Variants in CRACR2A observed in about 807,000 individuals in gnomAD.
CRACR2A encodes calcium release activated channel regulator 2A, also known as EF-hand calcium-binding domain-containing protein 4B.
In CRACR2A, 79 loss-of-function variants were observed where a neutral mutation model predicts 90.5. The ratio of observed to expected loss-of-function variants is 0.87; its 90% CI spans 0.73 to 1.05. The LOEUF (loss-of-function observed/expected upper bound fraction) is 1.05, where lower values mean the gene tolerates loss of function less well. Among genes scored for constraint, CRACR2A ranks in the 50% least tolerant of loss-of-function variants. The pLI is 0.00. For synonymous variants in CRACR2A, 338 were observed against 356.7 expected (o/e 0.95, Z 0.59); for missense variants, 823 against 897.2 (o/e 0.92, Z 1.06).
chr12:3,656,470 T>C, intron 8 of CRACR2A, 64 bp from the exon 9 acceptor site: 1 of 1,517,784 alleles, frequency 6.6e-7, no homozygotes, highest in Middle Eastern at 1.7e-4. Flanking sequence ...ATAGATTTTT[T>C]TTTTCCCACC....
At chr12:3,672,712 C>G in intron 7 of CRACR2A, 1 of 982,350 alleles carries the variant, frequency 1.0e-6, no homozygotes, top group Non-Finnish European at 1.2e-6. Flanking sequence ...TGGGCTTGCC[C>G]CAGTTTTGTG....
intron 1 of CRACR2A, among the ~76,000 whole-genome samples, chr12:3,741,373 G>A (rs1273434150): frequency 6.6e-6 from 1 of 152,182 alleles, no homozygotes; most frequent in Non-Finnish European, 1.5e-5. Flanking sequence ...ACTGATGACT[G>A]AGCCAAGGCT....
At position 3,710,274 on chromosome 12, in the gene CRACR2A, T is replaced by C. The variant is rs186290992; in HGVS notation, c.-37+2963A>G. On this transcript the variant is annotated intron_variant, in intron 3 of 19. Coordinates refer to ENST00000440314, the MANE Select transcript of CRACR2A (RefSeq NM_001144958.2). ...TATAGCTCAGTCATCTGGCATGCCC[T>C]TTCTGTTTGTCTGTGCTAAGTCTTA... Among the ~76,000 whole-genome samples the C allele has an allele frequency of 5.0e-4, 76 of 152,312 alleles. No homozygotes were observed. The East Asian group carries it at 0.015, about 29-fold the overall frequency.
intron 2 of CRACR2A, chr12:3,727,442 T>C (rs1946289336): frequency 6.6e-6 from 1 of 152,230 alleles, no homozygotes; most frequent in South Asian, 2.1e-4. Flanking sequence ...AGTATCTAAT[T>C]CTACATCGGC....
At chr12:3,628,699 C>T (rs1020040472) in intron 15 of CRACR2A, among the ~76,000 whole-genome samples, 2 of 152,224 alleles carry the variant, frequency 1.3e-5, no homozygotes, top group African/African-American at 4.8e-5. Context: ...GTACATCCCC[C>T]CACCACCACC....
chr12:3,682,945 G>A (rs1472525053), intron 4 of CRACR2A, among the ~76,000 whole-genome samples: 2 of 152,014 alleles, frequency 1.3e-5, no homozygotes, highest in Admixed American at 1.3e-4. Context: ...ACCACACCCA[G>A]TTAATTTTTG....
chr12:3,648,206 T>C, intron 11 of CRACR2A: 1 of 1,164,030 alleles, frequency 8.6e-7, no homozygotes, highest in Non-Finnish European at 1.1e-6. Context: ...ATGAACGAGA[T>C]AATATTTCTA....
In CRACR2A at chr12:3,633,760, C is replaced by T; in HGVS notation, c.1603-24G>A. 6.4e-7 allele frequency: 1 copy of T among 1,551,378 alleles called. No homozygotes were observed. The highest frequency in any genetic ancestry group is 1.2e-5 in the South Asian group (1 of 84,056). On this transcript the variant is annotated intron_variant, in intron 14 of 19. Coordinates refer to ENST00000440314, the MANE Select transcript of CRACR2A (RefSeq NM_001144958.2). This position sits in a 1 kb window ranked among gnomAD's most constrained non-coding sequence, Gnocchi z 4.5. The stretch of plus-strand genomic sequence containing the variant: ...TCCTGTGGATGGCACACAATCTGAC[C>T]AACTGCAGGGAATAGTCTTGCCAGC...
chr12:3,659,705 C>A, intron 7 of CRACR2A, 51 bp from the exon 8 acceptor site: 13 of 1,461,454 alleles, frequency 8.9e-6, no homozygotes, highest in Non-Finnish European at 1.2e-5. Context: ...TACTCCACAG[C>A]GGTAGCTCCT....
intron 3 of CRACR2A, among the ~76,000 whole-genome samples, chr12:3,699,631 C>A (rs544888337): frequency 6.6e-6 from 1 of 152,176 alleles, no homozygotes; most frequent in Non-Finnish European, 1.5e-5. Flanking sequence ...TCTAACTTCC[C>A]TAGACCACTT....
At chr12:3,673,337 A>T in intron 7 of CRACR2A, 109 bp downstream of exon 7, 1 of 1,369,342 alleles carries the variant, frequency 7.3e-7, no homozygotes, top group Non-Finnish European at 1.0e-6. Context: ...GGCAGACAGC[A>T]AAAGGAGGCA....
rs371433412 is a variant in CRACR2A, at chr12:3,704,899, C to A, written c.-36-7864G>T. On this transcript the variant is annotated intron_variant, in intron 3 of 19. Transcript: ENST00000440314. Reference sequence around the variant, plus strand: ...CTTAACCCTGTGTCCCCTGGCTAGACCTGCAGTCTTTGCTGAGCGTCTGTG... The same window carrying A: ...CTTAACCCTGTGTCCCCTGGCTAGAACTGCAGTCTTTGCTGAGCGTCTGTG... Among the ~76,000 whole-genome samples the A allele has an allele frequency of 6.6e-5, 10 of 152,356 alleles. No homozygotes were observed. In the East Asian group the frequency reaches 1.2e-3, roughly 18 times the overall value.
intron 11 of CRACR2A, chr12:3,648,087 A>C (rs887305): frequency 0.25 from 244,365 of 996,008 alleles, 32,697 homozygotes; most frequent in Admixed American, 0.47. Context: ...GCCCCATCAG[A>C]GAGTAGCTGT....
intron 2 of CRACR2A, among the ~76,000 whole-genome samples, chr12:3,719,874 T>C (rs1430238072): frequency 6.6e-6 from 1 of 151,976 alleles, no homozygotes; most frequent in African/African-American, 2.4e-5. Flanking sequence ...TCCCAGCACT[T>C]TGGGAGGCTG....
At chr12:3,725,467 T>C (rs1311388912) in intron 2 of CRACR2A, among the ~76,000 whole-genome samples, 1 of 152,178 alleles carries the variant, frequency 6.6e-6, no homozygotes, top group Non-Finnish European at 1.5e-5. Flanking sequence ...TGTGTCTCTT[T>C]ATGAAGACAC....
At chr12:3,617,080 T>C (rs1867701422) in intron 18 of CRACR2A, 50 bp from the exon 19 acceptor site, 1 of 1,418,986 alleles carries the variant, frequency 7.0e-7, no homozygotes, top group Non-Finnish European at 9.7e-7. Context: ...TGAGAGGGGA[T>C]TGTGGGGGGT....
At chr12:3,723,143 G>C (rs1946209360) in intron 2 of CRACR2A, among the ~76,000 whole-genome samples, 1 of 152,182 alleles carries the variant, frequency 6.6e-6, no homozygotes, top group Admixed American at 6.5e-5. Flanking sequence ...TGAGCCCGGG[G>C]ACTATCTGTC....
chr12:3,623,950 T>C (rs886718206), intron 17 of CRACR2A, among the ~76,000 whole-genome samples: 2 of 152,194 alleles, frequency 1.3e-5, no homozygotes, highest in Admixed American at 6.5e-5. Context: ...CCCAGAGAGA[T>C]AGTCAAATGC....
chr12:3,737,690 T>C (rs1316623908), intron 1 of CRACR2A, among the ~76,000 whole-genome samples: 3 of 151,904 alleles, frequency 2.0e-5, no homozygotes, highest in African/African-American at 7.3e-5. Flanking sequence ...GCCAATGGGA[T>C]GTAGTAAGTG....
Sources: allele counts gnomAD v4.1 joint callset (sites outside exome capture counted in the v4.1 genomes callset), GRCh38; gene constraint gnomAD v4.1.1; non-coding constraint Gnocchi (gnomAD v3.1); transcripts MANE v1.5; gene names NCBI Gene and HGNC (gene_info 2026-07-23, HGNC 2026-07-21).